DTWD2: variants seen among roughly 807,000 people sequenced by gnomAD.
DTWD2 encodes the protein DTW motif tRNA-uridine aminocarboxypropyltransferase 2, also known as tRNA-uridine aminocarboxypropyltransferase 2.
A neutral mutation model predicts 31.8 loss-of-function variants in DTWD2; 39 were observed. The ratio of observed to expected loss-of-function variants is 1.22; its 90% confidence interval spans 0.95 to 1.60. The LOEUF (loss-of-function observed/expected upper bound fraction) is 1.60. DTWD2 is among the 40% of genes most tolerant of loss of function. DTWD2 has a pLI of 0.00. For missense variants in DTWD2, 515 were observed against 381.5 expected (o/e 1.35, Z -2.92); for synonymous variants, 180 against 142.8 (o/e 1.26, Z -1.86).
intron 4 of DTWD2, among the ~76,000 whole-genome samples, chr5:118,924,707 T>C (rs1029052573): frequency 6.6e-6 from 1 of 152,200 alleles, no homozygotes; most frequent in South Asian, 2.1e-4. Context: ...ATCACTACAA[T>C]TGCCACTATC....
intron 1 of DTWD2, among the ~76,000 whole-genome samples, chr5:118,959,175 A>G (rs1238268423): frequency 6.6e-6 from 1 of 152,142 alleles, no homozygotes; most frequent in Admixed American, 6.6e-5. Context: ...GTTTGCAGAC[A>G]ATATTCTTTT....
intron 1 of DTWD2, among the ~76,000 whole-genome samples, chr5:118,946,228 C>T (rs903285066): frequency 6.6e-6 from 1 of 152,180 alleles, no homozygotes; most frequent in Non-Finnish European, 1.5e-5. Flanking sequence ...ATCAATACAC[C>T]TGATTTCCAG....
intron 4 of DTWD2, among the ~76,000 whole-genome samples, chr5:118,869,574 A>G (rs972462908): frequency 4.6e-5 from 7 of 152,206 alleles, no homozygotes; most frequent in African/African-American, 1.7e-4. Context: ...TATAAATAAC[A>G]GCATACCATA....
intron 1 of DTWD2, among the ~76,000 whole-genome samples, chr5:118,964,017 C>T (rs941694506): frequency 2.6e-5 from 4 of 152,064 alleles, no homozygotes; most frequent in Non-Finnish European, 5.9e-5. Flanking sequence ...CAAGACCAGC[C>T]TGGCCAACAT....
intron 4 of DTWD2, among the ~76,000 whole-genome samples, chr5:118,898,821 A>AT (rs1339704756): frequency 1.3e-5 from 2 of 152,204 alleles, no homozygotes; most frequent in Non-Finnish European, 2.9e-5. Context: ...TTATTAAGAC[A>AT]TTTAGTTTAA....
intron 4 of DTWD2, among the ~76,000 whole-genome samples, chr5:118,876,320 T>A (rs1752620462): frequency 1.3e-5 from 2 of 151,506 alleles, no homozygotes; most frequent in South Asian, 4.2e-4. Context: ...GCAAACAAAT[T>A]CCAAAGCCAG....
At chr5:118,936,535 T>G (rs1397686740) in intron 3 of DTWD2, among the ~76,000 whole-genome samples, 6 of 151,720 alleles carry the variant, frequency 4.0e-5, no homozygotes, top group Non-Finnish European at 1.5e-5. Context: ...CCAGGCACAG[T>G]AGCTCACATC....
At chr5:118,961,205 T>G (rs1051143140) in intron 1 of DTWD2, among the ~76,000 whole-genome samples, 6 of 152,208 alleles carry the variant, frequency 3.9e-5, no homozygotes, top group African/African-American at 1.4e-4. Context: ...CTACTAAAAC[T>G]GTGATGACAG....
chr5:118,836,242 T>C lies in DTWD2; in HGVS notation c.*4675A>G, dbSNP rs943491204. On this transcript the variant is annotated 3_prime_UTR_variant, in exon 6 of 6. Coordinates refer to ENST00000510708, the MANE Select transcript of DTWD2 (RefSeq NM_173666.4). ...AGTTCAAGTGAATCTTATTTTTATT[T>C]ATTTATTTATTTATTTGAGACACTG... is the stretch of plus-strand genomic sequence containing the variant. 6.6e-6 allele frequency among the ~76,000 whole-genome samples: 1 copy of C among 152,134 alleles called. No individual in the cohort carries two copies. The highest frequency in any genetic ancestry group is 2.1e-4 in the South Asian group (1 of 4,834).
intron 2 of DTWD2, among the ~76,000 whole-genome samples, chr5:118,941,181 T>C (rs1754189621): frequency 2.0e-5 from 3 of 151,952 alleles, no homozygotes; most frequent in South Asian, 4.1e-4. Flanking sequence ...TTATTATATA[T>C]ATATTTTTAT....
intron 1 of DTWD2, among the ~76,000 whole-genome samples, chr5:118,969,273 C>A (rs1023397165): frequency 1.3e-5 from 2 of 152,186 alleles, no homozygotes; most frequent in African/African-American, 4.8e-5. Context: ...AGAGTCCAGG[C>A]AGTCTGTACA....
intron 4 of DTWD2, among the ~76,000 whole-genome samples, chr5:118,851,101 G>A (rs190398097): frequency 6.6e-6 from 1 of 151,550 alleles, no homozygotes; most frequent in Admixed American, 6.6e-5. Flanking sequence ...ACAAAAATTA[G>A]CTGGGCATGG....
At chr5:118,981,492 T>G in intron 1 of DTWD2, among the ~76,000 whole-genome samples, 1 of 151,960 alleles carries the variant, frequency 6.6e-6, no homozygotes, top group East Asian at 1.9e-4. Context: ...CCTTTTCAAC[T>G]AGGTTTCCAA....
At chr5:118,903,723 A>C (rs1753266109) in intron 4 of DTWD2, among the ~76,000 whole-genome samples, 1 of 152,040 alleles carries the variant, frequency 6.6e-6, no homozygotes, top group Non-Finnish European at 1.5e-5. Flanking sequence ...ATCCCATTAA[A>C]AATAAAATTG....
intron 4 of DTWD2, 89 bp from the exon 5 acceptor site, chr5:118,848,307 A>C (rs1446353215): frequency 8.1e-7 from 1 of 1,229,956 alleles, no homozygotes; most frequent in Admixed American, 3.1e-5. Flanking sequence ...CTTTCCTTCC[A>C]AAACTGCCAG....
At position 118,864,190 on chromosome 5, in the gene DTWD2, C is replaced by T. The variant is rs569209667; in HGVS notation, c.598-15972G>A. 2.2e-3 allele frequency among the ~76,000 whole-genome samples: 293 copies of T among 135,154 alleles called. 4 individuals carry two copies. Among genetic ancestry groups the T allele is most frequent in the African/African-American group, 8.6e-3 (267 of 31,150 alleles). The allele number at this position is 135,154 out of a possible 152,430, so 88.7% of individuals were successfully genotyped here. On this transcript the variant is annotated intron_variant, in intron 4 of 5. Transcript: ENST00000510708. Reference sequence around the variant, plus strand: ...TGTGGCACATATACACCATGGAATACTATGCAGCCATAAAAAATGATGAGT... The same window carrying T: ...TGTGGCACATATACACCATGGAATATTATGCAGCCATAAAAAATGATGAGT...
intron 1 of DTWD2, among the ~76,000 whole-genome samples, chr5:118,966,550 T>C (rs1754853796): frequency 1.3e-5 from 2 of 152,182 alleles, no homozygotes; most frequent in African/African-American, 4.8e-5. Context: ...TCAGGCAAAT[T>C]AGTTGATGAT....
At chr5:118,939,901 TC>T (rs906692963) in intron 2 of DTWD2, among the ~76,000 whole-genome samples, 21 of 151,686 alleles carry the variant, frequency 1.4e-4, no homozygotes, top group African/African-American at 5.1e-4. Flanking sequence ...CAAATTAGAG[TC>T]CAGAATGATA....
intron 4 of DTWD2, among the ~76,000 whole-genome samples, chr5:118,903,057 A>G (rs1046874533): frequency 2.6e-5 from 4 of 152,002 alleles, no homozygotes; most frequent in Non-Finnish European, 5.9e-5. Flanking sequence ...ATGATATTTA[A>G]AATTACAGTC....
Sources: allele counts gnomAD v4.1 joint callset (sites outside exome capture counted in the v4.1 genomes callset), GRCh38; gene constraint gnomAD v4.1.1; transcripts MANE v1.5; gene names NCBI Gene and HGNC (gene_info 2026-07-23, HGNC 2026-07-21).